Variants in APBB2 observed in about 807,000 individuals in gnomAD.
APBB2 encodes the protein Fe65-like 1.
Under a neutral mutation model 82.5 loss-of-function variants are expected in APBB2, and 38 were observed. The ratio of observed to expected loss-of-function variants is 0.46; its 90% confidence interval spans 0.36 to 0.60. APBB2 has a LOEUF of 0.60. APBB2 is among the 20% of genes least tolerant of loss of function. The pLI, the probability that APBB2 is intolerant of heterozygous loss-of-function variation, is 0.00. For missense variants in APBB2, 772 were observed against 972.3 expected (o/e 0.79, Z 2.74); for synonymous variants, 341 against 368.2 (o/e 0.93, Z 0.85).
At chr4:40,930,348 T>A (rs1037391792) in intron 10 of APBB2, among the ~76,000 whole-genome samples, 5 of 152,104 alleles carry the variant, frequency 3.3e-5, no homozygotes, top group African/African-American at 1.2e-4. Flanking sequence ...GTACAAAGAC[T>A]TTACTGCATA....
chr4:40,815,212 G>C lies in APBB2; in HGVS notation c.*880C>G, dbSNP rs1429858200. The C allele has an allele frequency of 6.6e-6, 1 of 152,622 alleles. No homozygotes were observed. Among genetic ancestry groups the C allele is most frequent in the African/African-American group, 2.4e-5 (1 of 41,436 alleles). 9.5% of individuals were successfully genotyped at this position (152,622 alleles called of 1,614,324 possible). A position where few individuals can be genotyped will look rare whatever the true frequency, so the allele number is the denominator to read the frequency against. On this transcript the variant is annotated 3_prime_UTR_variant, in exon 18 of 18. Transcript: ENST00000508593. ...ATTCTCAAACTAAGGATGAAAGGCT[G>C]ATGAGGAGTATTTCATCTTAATGTT...
At chr4:41,028,737 T>G (rs972474115) in intron 5 of APBB2, among the ~76,000 whole-genome samples, 3 of 152,182 alleles carry the variant, frequency 2.0e-5, no homozygotes, top group African/African-American at 7.2e-5. Flanking sequence ...TTATGAAACC[T>G]AAACAAAACT....
chr4:41,160,037 A>AGAAGAAGAAGAAGAAGAAGAAG (rs1258514181), intron 1 of APBB2, among the ~76,000 whole-genome samples: 3 of 146,386 alleles, frequency 2.0e-5, no homozygotes, highest in African/African-American at 5.5e-5. Context: ...AAGAAGAAGA[A>AGAAGAAGAAGAAGAAGAAGAAG]AACATCACAG....
At chr4:41,187,514 T>C (rs536778796) in intron 1 of APBB2, among the ~76,000 whole-genome samples, 30 of 152,314 alleles carry the variant, frequency 2.0e-4, no homozygotes, top group South Asian at 1.2e-3. Flanking sequence ...GAAGGCTTTG[T>C]TATCTTTACC....
chr4:40,866,550 T>G (rs1170712090), intron 12 of APBB2, among the ~76,000 whole-genome samples: 1 of 152,168 alleles, frequency 6.6e-6, no homozygotes, highest in Admixed American at 6.5e-5. Flanking sequence ...TAAAGAGATA[T>G]CAGCTACATT....
chr4:41,125,620 T>A (rs1754154898), intron 2 of APBB2, among the ~76,000 whole-genome samples: 1 of 152,208 alleles, frequency 6.6e-6, no homozygotes. Context: ...GAATGTGAAA[T>A]GAAAACTTTT....
chr4:41,033,964 C>T lies in APBB2; in HGVS notation c.-50-660G>A, dbSNP rs150864359. ...GTCTAACTGGATTTCCTATATCAGACTGGAAAGATTAATAAGCCAGATAAT... is the reference window on the plus strand; with the variant it reads ...GTCTAACTGGATTTCCTATATCAGATTGGAAAGATTAATAAGCCAGATAAT... On this transcript the variant is annotated intron_variant, in intron 4 of 17. Coordinates refer to ENST00000508593, the MANE Select transcript of APBB2 (RefSeq NM_004307.2). Among the ~76,000 whole-genome samples, 260 of 152,256 alleles carry T rather than the reference C, an allele frequency of 1.7e-3. 1 individual carries two copies. The highest frequency in any genetic ancestry group is 6.1e-3 in the African/African-American group (252 of 41,530).
At chr4:40,987,985 T>C (rs1800860759) in intron 6 of APBB2, among the ~76,000 whole-genome samples, 2 of 152,206 alleles carry the variant, frequency 1.3e-5, no homozygotes, top group Non-Finnish European at 2.9e-5. Flanking sequence ...CAGATAAAAT[T>C]GATCTCTCAA....
At chr4:40,911,960 C>T (rs942032590) in intron 10 of APBB2, among the ~76,000 whole-genome samples, 2 of 152,176 alleles carry the variant, frequency 1.3e-5, no homozygotes, top group Admixed American at 6.5e-5. Context: ...CTCATTAAAT[C>T]GGACCGGCTA....
At chr4:41,154,942 C>A (rs940205345) in intron 1 of APBB2, among the ~76,000 whole-genome samples, 1 of 152,170 alleles carries the variant, frequency 6.6e-6, no homozygotes, top group African/African-American at 2.4e-5. Flanking sequence ...ACGGGGCACC[C>A]TAGGGCCTGG....
chr4:40,843,160 G>C (rs1756432369), intron 12 of APBB2, among the ~76,000 whole-genome samples: 1 of 152,180 alleles, frequency 6.6e-6, no homozygotes, highest in Admixed American at 6.5e-5. Context: ...ACCGTACACA[G>C]AGCAACTAGA....
intron 6 of APBB2, among the ~76,000 whole-genome samples, chr4:41,000,261 C>CTAAATAAA (rs139090995): frequency 4.8e-4 from 72 of 150,732 alleles, no homozygotes; most frequent in African/African-American, 1.7e-3. Context: ...GACCCTGTCT[C>CTAAATAAA]TAAATAAATA....
At chr4:40,908,634 T>C (rs925393757) in intron 10 of APBB2, among the ~76,000 whole-genome samples, 1 of 152,000 alleles carries the variant, frequency 6.6e-6, no homozygotes. Context: ...AGCCCCACTC[T>C]AAAGAGGCCC....
intron 1 of APBB2, chr4:41,207,988 A>G (rs539425324): frequency 8.3e-4 from 127 of 152,360 alleles, no homozygotes; most frequent in Admixed American, 2.4e-3. Flanking sequence ...CATTATCATC[A>G]TTGTGATAAG....
intron 12 of APBB2, among the ~76,000 whole-genome samples, chr4:40,864,853 C>CT (rs571511868): frequency 3.2e-4 from 40 of 125,230 alleles, no homozygotes; most frequent in Non-Finnish European, 5.5e-4. Flanking sequence ...ACGTTTGATT[C>CT]TTTTTTTTTT....
At chr4:40,883,129 G>A (rs1338103148) in intron 12 of APBB2, among the ~76,000 whole-genome samples, 1 of 152,172 alleles carries the variant, frequency 6.6e-6, no homozygotes, top group East Asian at 1.9e-4. Context: ...TGCAGCTGTG[G>A]CATGAGAACT....
chr4:41,176,783 A>G (rs1769907001), intron 1 of APBB2, among the ~76,000 whole-genome samples: 1 of 152,220 alleles, frequency 6.6e-6, no homozygotes, highest in Non-Finnish European at 1.5e-5. Context: ...CTTATTTCAT[A>G]AAGCATTTTG....
intron 12 of APBB2, among the ~76,000 whole-genome samples, chr4:40,842,162 T>C (rs945956962): frequency 5.3e-5 from 8 of 152,220 alleles, no homozygotes; most frequent in African/African-American, 1.9e-4. Context: ...TCAAACACAG[T>C]AGAGAATGAG....
At chr4:40,963,255 T>C (rs1235258528) in intron 6 of APBB2, among the ~76,000 whole-genome samples, 1 of 152,176 alleles carries the variant, frequency 6.6e-6, no homozygotes, top group African/African-American at 2.4e-5. Context: ...TTCCTTTCTT[T>C]TTTTTTTGAG....
Sources: gnomAD v4.1 joint callset for allele counts (sites outside exome capture counted in the v4.1 genomes callset) on GRCh38, gnomAD v4.1.1 for gene constraint, MANE v1.5 for transcripts, NCBI Gene and HGNC (gene_info 2026-07-23, HGNC 2026-07-21) for gene names.